SYTL3: variants seen among roughly 807,000 people sequenced by gnomAD.
The protein encoded by SYTL3 is synaptotagmin like 3, also known as synaptotagmin-like protein 3.
In SYTL3, 88 loss-of-function variants were observed where a neutral mutation model predicts 82.1. The observed-to-expected ratio is 1.07, with a 90% CI of 0.90 to 1.28. SYTL3 has a LOEUF of 1.28. Ranked by LOEUF, SYTL3 falls within the 50% of genes most tolerant of loss-of-function variation. SYTL3 has a pLI of 0.00. For missense variants in SYTL3, 831 were observed against 757.6 expected (o/e 1.10, Z -1.14); for synonymous variants, 311 against 289.4 (o/e 1.07, Z -0.76).
intron 10 of SYTL3, among the ~76,000 whole-genome samples, 176 bp downstream of exon 10, chr6:158,718,387 C>A (rs2128470185): frequency 6.6e-6 from 1 of 152,348 alleles, no homozygotes; most frequent in Middle Eastern, 3.4e-3. Flanking sequence ...TGGCCCAAGG[C>A]AGGTCAGGAT....
chr6:158,737,039 C>G (rs375093660), intron 11 of SYTL3, among the ~76,000 whole-genome samples: 1 of 113,842 alleles, frequency 8.8e-6, no homozygotes, highest in African/African-American at 3.1e-5. Flanking sequence ...CATTTCATGG[C>G]AAAAAAAAAA....
intron 6 of SYTL3, among the ~76,000 whole-genome samples, chr6:158,704,204 G>T (rs573843323): frequency 6.6e-6 from 1 of 152,258 alleles, no homozygotes; most frequent in African/African-American, 2.4e-5. Flanking sequence ...CAGTGCCCAT[G>T]AAGTTTCGTG....
chr6:158,730,858 A>G (rs1372196413), intron 11 of SYTL3, among the ~76,000 whole-genome samples: 1 of 152,090 alleles, frequency 6.6e-6, no homozygotes, highest in African/African-American at 2.4e-5. Flanking sequence ...GACTGAAGAA[A>G]GAAAAGCCGC....
chr6:158,687,235 C>T (rs1196034259), intron 6 of SYTL3, among the ~76,000 whole-genome samples: 3 of 152,144 alleles, frequency 2.0e-5, no homozygotes, highest in Non-Finnish European at 4.4e-5. Context: ...GATCTGTGCT[C>T]TTGGGGCTTA....
chr6:158,691,484 T>A (rs765999507), intron 6 of SYTL3, among the ~76,000 whole-genome samples: 1 of 152,142 alleles, frequency 6.6e-6, no homozygotes, highest in Non-Finnish European at 1.5e-5. Flanking sequence ...AGCTGAAAAT[T>A]CATCTCTCCT....
In SYTL3 at chr6:158,764,868, T is replaced by TGG; in HGVS notation, c.*265_*266insGG. ...AGATTTTAATAAACGTTGTTACCCA[T>TGG]GTCCTCCAGTGCTTATCAAATGAGG... is the stretch of plus-strand genomic sequence containing the variant. On this transcript the variant is annotated 3_prime_UTR_variant, in exon 18 of 18. Coordinates refer to ENST00000611299, the MANE Select transcript of SYTL3 (RefSeq NM_001242394.2). 1 of 362,696 alleles carries TGG rather than the reference T, an allele frequency of 2.8e-6. No homozygotes were observed. Among genetic ancestry groups the TGG allele is most frequent in the Non-Finnish European group, 5.1e-6 (1 of 197,572 alleles). 22.5% of individuals were successfully genotyped at this position (362,696 alleles called of 1,614,324 possible). A position where few individuals can be genotyped will look rare whatever the true frequency, so the allele number is the denominator to read the frequency against.
At chr6:158,686,537 G>C (rs1408996729) in intron 6 of SYTL3, among the ~76,000 whole-genome samples, 1 of 152,140 alleles carries the variant, frequency 6.6e-6, no homozygotes, top group East Asian at 1.9e-4. Flanking sequence ...GGGTGCGTCA[G>C]GAAAGGTAAC....
intron 10 of SYTL3, among the ~76,000 whole-genome samples, chr6:158,718,644 TG>T (rs1783705197): frequency 6.6e-6 from 1 of 152,210 alleles, no homozygotes. Flanking sequence ...AGCAAGCCTG[TG>T]GGGGCGCTCT....
chr6:158,653,618 G>A (rs1788312543), intron 2 of SYTL3, among the ~76,000 whole-genome samples: 1 of 152,202 alleles, frequency 6.6e-6, no homozygotes, highest in East Asian at 1.9e-4. Flanking sequence ...CAGAAAGCAT[G>A]GTGGCTGCAC....
At chr6:158,712,775 T>G (rs1271459727) in intron 8 of SYTL3, among the ~76,000 whole-genome samples, 1 of 150,208 alleles carries the variant, frequency 6.7e-6, no homozygotes, top group Non-Finnish European at 1.5e-5. Context: ...TTTTTTTTTT[T>G]TGAGACAGAG....
At chr6:158,722,243 T>C (rs1391299745) in intron 10 of SYTL3, among the ~76,000 whole-genome samples, 1 of 151,952 alleles carries the variant, frequency 6.6e-6, no homozygotes, top group African/African-American at 2.4e-5. Flanking sequence ...TCATTGTAGC[T>C]TCTACCTCCT....
At chr6:158,712,731 A>G (rs1028453039) in intron 8 of SYTL3, among the ~76,000 whole-genome samples, 5 of 151,308 alleles carry the variant, frequency 3.3e-5, no homozygotes, top group African/African-American at 1.2e-4. Context: ...GAGAAGAATC[A>G]CATACATTCT....
rs1188831316 is a variant in SYTL3, at chr6:158,708,305, T to A, written c.447-17T>A. ...TGGTTCACAACCCATTTCTTATGCC[T>A]GTGTTTTCCTTGGCAGCAAAATTTC... is the stretch of plus-strand genomic sequence containing the variant. On this transcript the variant is annotated splice_polypyrimidine_tract_variant and intron_variant, in intron 7 of 17. Coordinates refer to ENST00000611299, the MANE Select transcript of SYTL3 (RefSeq NM_001242394.2). The A allele has an allele frequency of 6.2e-7, 1 of 1,609,670 alleles. No homozygotes were observed. The highest frequency in any genetic ancestry group is 1.7e-5 in the Admixed American group (1 of 60,018).
intron 5 of SYTL3, among the ~76,000 whole-genome samples, chr6:158,679,939 G>A (rs528186873): frequency 2.6e-5 from 4 of 152,268 alleles, no homozygotes; most frequent in South Asian, 4.1e-4. Context: ...CGACTGTAGC[G>A]TCTCAGATAT....
intron 11 of SYTL3, among the ~76,000 whole-genome samples, chr6:158,728,679 G>A (rs1785028986): frequency 6.6e-6 from 1 of 151,162 alleles, no homozygotes; most frequent in South Asian, 2.1e-4. Flanking sequence ...GGTGGCTCAT[G>A]CCTGTAATCC....
At chr6:158,754,699 G>C (rs1171244040) in intron 13 of SYTL3, among the ~76,000 whole-genome samples, 1 of 152,202 alleles carries the variant, frequency 6.6e-6, no homozygotes, top group East Asian at 1.9e-4. Flanking sequence ...CAGCCTGGGC[G>C]ACAGAGCGAG....
At chr6:158,724,547 G>A (rs1160118566) in intron 10 of SYTL3, among the ~76,000 whole-genome samples, 1 of 152,218 alleles carries the variant, frequency 6.6e-6, no homozygotes, top group African/African-American at 2.4e-5. Flanking sequence ...GCAGGGATGG[G>A]AATGATCTTT....
chr6:158,663,978 A>T (rs563858562), intron 4 of SYTL3, among the ~76,000 whole-genome samples: 3 of 152,176 alleles, frequency 2.0e-5, no homozygotes, highest in East Asian at 3.9e-4. Context: ...GGGCCGTTTG[A>T]TATGGGTCAG....
intron 11 of SYTL3, among the ~76,000 whole-genome samples, chr6:158,743,598 CTT>C (rs397887964): frequency 0.033 from 2,066 of 62,380 alleles, 4 homozygotes; most frequent in Non-Finnish European, 0.042. Flanking sequence ...CCAGTCCAAG[CTT>C]TTTTTTTTTT....
Sources: gnomAD v4.1 joint callset for allele counts (sites outside exome capture counted in the v4.1 genomes callset) on GRCh38, gnomAD v4.1.1 for gene constraint, MANE v1.5 for transcripts, NCBI Gene and HGNC (gene_info 2026-07-23, HGNC 2026-07-21) for gene names.